The following RCBTB2 variants were observed in gnomAD, a reference collection of about 807,000 sequenced individuals.
RCBTB2 encodes RCC1 and BTB domain containing protein 2, also known as RCC1 and BTB domain-containing protein 2.
A neutral mutation model predicts 65.4 loss-of-function variants in RCBTB2; 55 were observed. That is an observed-to-expected ratio of 0.84 (90% CI 0.68 to 1.05). The LOEUF is 1.05. RCBTB2 is among the 50% of genes least tolerant of loss of function. The probability of loss-of-function intolerance (pLI) is 0.00; values close to 1 mark genes in which losing one functional copy is unlikely to be tolerated. For synonymous variants in RCBTB2, 220 were observed against 255.2 expected, an observed-to-expected ratio of 0.86 and a Z score of 1.31; for missense variants, 599 against 680.1, an observed-to-expected ratio of 0.88 and a Z score of 1.33.
intron 13 of RCBTB2, among the ~76,000 whole-genome samples, chr13:48,497,469 T>G (rs1193516146): frequency 6.6e-6 from 1 of 152,236 alleles, no homozygotes; most frequent in African/African-American, 2.4e-5. Flanking sequence ...AATCAGCATC[T>G]GAAAGATCCT....
At chr13:48,517,910 C>A (rs1227409295) in intron 4 of RCBTB2, among the ~76,000 whole-genome samples, 10 of 151,918 alleles carry the variant, frequency 6.6e-5, no homozygotes, top group Admixed American at 2.0e-4. Flanking sequence ...TAGAGTGGAC[C>A]CTACGTCCAA....
intron 14 of RCBTB2, among the ~76,000 whole-genome samples, chr13:48,493,225 TCACACACACACACA>T (rs3085589): frequency 2.7e-5 from 3 of 109,128 alleles, no homozygotes; most frequent in Non-Finnish European, 5.0e-5. Flanking sequence ...GTACCCTCCT[TCACACACACACACA>T]CACACACACA....
chr13:48,520,133 T>C (rs1257409224), intron 4 of RCBTB2, among the ~76,000 whole-genome samples: 4 of 152,172 alleles, frequency 2.6e-5, no homozygotes, highest in Non-Finnish European at 5.9e-5. Flanking sequence ...ATACTCTACC[T>C]GTGTCAGTCT....
rs772237548 is a variant in RCBTB2, at chr13:48,515,191, G to T, written c.349+14C>A. 1 of 1,606,532 alleles carries T rather than the reference G, an allele frequency of 6.2e-7. No individual in the cohort carries two copies. On this transcript the variant is annotated intron_variant, in intron 6 of 14. Coordinates refer to ENST00000344532, the MANE Select transcript of RCBTB2 (RefSeq NM_001268.4). ...CGAATAAAGCTGAAATTCTACATGG[G>T]GTTCCTAGGTTACCTGTTGTTGCAA...
chr13:48,495,336 A>G (rs906218153), intron 14 of RCBTB2, among the ~76,000 whole-genome samples: 1 of 152,096 alleles, frequency 6.6e-6, no homozygotes, highest in South Asian at 2.1e-4. Context: ...CTTTTTTTCT[A>G]TGTAGATAAT....
Position 48,515,683 on chromosome 13 carries a change from A to G in RCBTB2, c.101T>C (p.Phe34Ser). 6.2e-7 allele frequency: 1 copy of G among 1,614,232 alleles called. No homozygotes were observed. Residue 34 changes from phenylalanine to serine, a missense_variant, in exon 5 of 15, where the codon TTT becomes TCT. By Grantham distance (155) the Phe-to-Ser change is radical. Transcript: ENST00000344532. ...KMLDVGKWPI[F>S]SLCSEEELQL... ...TAGTTCTTCTTCAGAACAAAGGGAA[A>G]AAATTGGCCACTTTCCCACATCTAA...
chr13:48,490,356 T>C (rs1949644919), intron 14 of RCBTB2, 105 bp from the exon 15 acceptor site: 3 of 902,642 alleles, frequency 3.3e-6, no homozygotes, highest in Middle Eastern at 2.4e-4. Flanking sequence ...AAGGATTTAA[T>C]AGGCAAGTGG....
At chr13:48,533,911 T>C (rs757283732), upstream of RCBTB2, among the ~76,000 whole-genome samples, 18 of 152,352 alleles carry the variant, frequency 1.2e-4, no homozygotes, top group Non-Finnish European at 2.4e-4. Context: ...AGGACACTGG[T>C]TCCTCTACAG....
intron 1 of RCBTB2, among the ~76,000 whole-genome samples, chr13:48,527,339 T>TATATATATATG (rs1951820156): frequency 2.4e-4 from 28 of 118,014 alleles, no homozygotes; most frequent in African/African-American, 1.7e-3. Context: ...ATATATATGA[T>TATATATATATG]ATATATATAT....
In RCBTB2 at chr13:48,518,471, AAATAT is replaced by A. The variant is rs1377927593; in HGVS notation, c.43-2735_43-2731del. The stretch of plus-strand genomic sequence containing the variant: ...CAGAGTACTTTGCAAAAAAAAAAAA[AAATAT>A]ATATATATATATATATATATTTACC... On this transcript the variant is annotated intron_variant, in intron 4 of 14. Coordinates refer to ENST00000344532, the MANE Select transcript of RCBTB2 (RefSeq NM_001268.4). Among the ~76,000 whole-genome samples, 532 of 132,058 alleles carry A rather than the reference AAATAT, an allele frequency of 4.0e-3. 1 individual carries two copies. Among genetic ancestry groups the A allele is most frequent in the African/African-American group, 0.015 (483 of 31,550 alleles). 86.6% of individuals were successfully genotyped at this position (132,058 alleles called of 152,430 possible).
intron 14 of RCBTB2, 74 bp from the exon 15 acceptor site, chr13:48,490,325 A>C (rs1949643374): frequency 5.1e-6 from 7 of 1,360,016 alleles, no homozygotes; most frequent in Non-Finnish European, 7.2e-6. Context: ...GAAAATCGCT[A>C]AAACAAGTTA....
In RCBTB2 at chr13:48,499,732, C is replaced by A; in HGVS notation, c.1273G>T (p.Asp425Tyr). 1 of 1,614,212 alleles carries A rather than the reference C, an allele frequency of 6.2e-7. No homozygotes were observed. The highest frequency in any genetic ancestry group is 8.5e-7 in the Non-Finnish European group (1 of 1,180,036). Reference protein sequence around the residue: ...RCEHFRSSLEDNEDDIVEMSE... With the variant: ...RCEHFRSSLEYNEDDIVEMSE... ...ATTTCTACAATATCATCCTCGTTATCTTCCAATGACGAACGAAAATGCTCA... is the reference window on the plus strand; with the variant it reads ...ATTTCTACAATATCATCCTCGTTATATTCCAATGACGAACGAAAATGCTCA... The change falls in exon 13 of 15, where the codon GAT (aspartate) becomes TAT (tyrosine). Residue 425 changes from aspartate to tyrosine, a missense_variant. Coordinates refer to ENST00000344532, the MANE Select transcript of RCBTB2 (RefSeq NM_001268.4).
chr13:48,535,316 C>T (rs552364306), upstream of RCBTB2, among the ~76,000 whole-genome samples: 5 of 147,654 alleles, frequency 3.4e-5, no homozygotes, highest in South Asian at 1.1e-3. Flanking sequence ...AGTGCAGTGG[C>T]GCAATCTCAG....
intron 9 of RCBTB2, 118 bp downstream of exon 9, chr13:48,511,652 G>GA: frequency 3.6e-6 from 3 of 822,376 alleles, no homozygotes; most frequent in Non-Finnish European, 3.7e-6. Flanking sequence ...TTACTTTAAT[G>GA]AAGACATCCA....
chr13:48,526,829 T>A (rs1951764280), intron 1 of RCBTB2, among the ~76,000 whole-genome samples: 1 of 151,860 alleles, frequency 6.6e-6, no homozygotes, highest in Admixed American at 6.6e-5. Context: ...GGCAAGAGAA[T>A]CACTTGAACT....
chr13:48,503,380 A>G (rs1165952567), intron 10 of RCBTB2, among the ~76,000 whole-genome samples: 2 of 152,188 alleles, frequency 1.3e-5, no homozygotes, highest in African/African-American at 4.8e-5. Context: ...CAATTTTTAG[A>G]ATGCTATGGG....
chr13:48,508,562 C>T (rs1566288199), intron 10 of RCBTB2, among the ~76,000 whole-genome samples: 1 of 152,216 alleles, frequency 6.6e-6, no homozygotes, highest in East Asian at 1.9e-4. Flanking sequence ...TGCCACTGTG[C>T]CCAGCTAATT....
At chr13:48,493,414 C>T (rs1422908244) in intron 14 of RCBTB2, among the ~76,000 whole-genome samples, 1 of 151,430 alleles carries the variant, frequency 6.6e-6, no homozygotes, top group Non-Finnish European at 1.5e-5. Context: ...AGCCAGGAGG[C>T]AGGAGGATTA....
intron 1 of RCBTB2, chr13:48,532,690 T>A: frequency 7.5e-6 from 2 of 266,916 alleles, no homozygotes; most frequent in South Asian, 6.1e-5. Flanking sequence ...CAGCGCAGCC[T>A]GGGCCGGCGG....
Sources: allele counts gnomAD v4.1 joint callset (sites outside exome capture counted in the v4.1 genomes callset), GRCh38; gene constraint gnomAD v4.1.1; transcripts MANE v1.5; gene names NCBI Gene and HGNC (gene_info 2026-07-23, HGNC 2026-07-21).